Variants in TYRP1 observed in about 807,000 individuals in gnomAD.
The protein encoded by TYRP1 is 5,6-dihydroxyindole-2-carboxylic acid oxidase.
TYRP1 carries 49 observed loss-of-function variants against 42.8 expected under a neutral mutation model. That is an observed-to-expected ratio of 1.14 (90% CI 0.91 to 1.45). TYRP1 has a LOEUF of 1.45. TYRP1 is among the 40% of genes most tolerant of loss of function. The pLI is 0.00. For missense variants in TYRP1, 848 were observed against 662.0 expected (o/e 1.28, Z -3.08); for synonymous variants, 279 against 235.4 (o/e 1.19, Z -1.69).
intron 5 of TYRP1, 135 bp from the exon 6 acceptor site, chr9:12,704,391 A>G (rs1818224133): frequency 1.2e-6 from 1 of 801,520 alleles, no homozygotes. Context: ...ACAGAGAAGC[A>G]GTGCTGTTAT....
At position 12,704,616 on chromosome 9, in the gene TYRP1, C is replaced by A. The variant is rs761590226; in HGVS notation, c.1172C>A (p.Thr391Asn). The change falls in exon 6 of 8, where the codon ACC (threonine) becomes AAC (asparagine). Residue 391 changes from threonine to asparagine, a missense_variant. Coordinates refer to ENST00000388918, the MANE Select transcript of TYRP1 (RefSeq NM_000550.3). ...TTCCTGAATGGAACAGGGGGACAAA[C>A]CCATTTGTCTCCAAATGATCCTATT... is the stretch of plus-strand genomic sequence containing the variant. Reference protein sequence around the residue: ...HLFLNGTGGQTHLSPNDPIFV... With the variant: ...HLFLNGTGGQNHLSPNDPIFV... The A allele has an allele frequency of 6.2e-7, 1 of 1,612,912 alleles. No homozygotes were observed.
chr9:12,698,707 T>A, intron 4 of TYRP1, 52 bp downstream of exon 4: 3 of 1,544,162 alleles, frequency 1.9e-6, no homozygotes, highest in Non-Finnish European at 2.7e-6. Context: ...GATAAAGAGA[T>A]TAAATATGTT....
intron 4 of TYRP1, among the ~76,000 whole-genome samples, chr9:12,701,205 C>G (rs949762755): frequency 6.6e-6 from 1 of 151,962 alleles, no homozygotes; most frequent in Non-Finnish European, 1.5e-5. Context: ...ACTTTCTTAT[C>G]TTGATACTTG....
chr9:12,707,645 A>G, intron 6 of TYRP1: 1 of 216,454 alleles, frequency 4.6e-6, no homozygotes, highest in East Asian at 1.4e-4. Flanking sequence ...AGCAAATTAC[A>G]GGTTTATGTT....
chr9:12,695,417 G>T, intron 2 of TYRP1, 98 bp from the exon 3 acceptor site: 3 of 1,086,570 alleles, frequency 2.8e-6, no homozygotes, highest in Non-Finnish European at 4.2e-6. Context: ...TGAACAGATG[G>T]ATAAATGGGT....
rs768319932 is a variant in TYRP1, at chr9:12,702,255, C to T, written c.914-16C>T. 4 of 1,612,608 alleles carry T rather than the reference C, an allele frequency of 2.5e-6. No individual in the cohort carries two copies. Among genetic ancestry groups the T allele is most frequent in the Non-Finnish European group, 3.4e-6 (4 of 1,179,136 alleles). ...AACATTGTGTAAATGTTTCCACATC[C>T]CATTTTTTTCTGCAGGCACCGAGGA... On this transcript the variant is annotated splice_polypyrimidine_tract_variant and intron_variant, in intron 4 of 7. Transcript: ENST00000388918.
At position 12,709,051 on chromosome 9, in the gene TYRP1, G is replaced by A. The variant is rs542056783; in HGVS notation, c.1483G>A (p.Gly495Arg). The change falls in exon 8 of 8, where the codon GGG becomes AGG. Residue 495 changes from glycine to arginine, a missense_variant. Physicochemically the swap from Gly to Arg is moderately radical, Grantham distance 125. Transcript: ENST00000388918. ...GALLLVALIF[G>R]TASYLIRARR... Reference sequence around the variant, plus strand: ...TTTGTTACTGGTTGCACTCATTTTTGGGACTGCTTCTTATCTGATTCGTGC... The same window carrying A: ...TTTGTTACTGGTTGCACTCATTTTTAGGACTGCTTCTTATCTGATTCGTGC... 1.1e-5 allele frequency: 17 copies of A among 1,612,662 alleles called. No individual in the cohort carries two copies. In the African/African-American group the frequency reaches 1.7e-4, roughly 16 times the overall value.
At chr9:12,699,745 T>C (rs780789115) in intron 4 of TYRP1, among the ~76,000 whole-genome samples, 13 of 152,040 alleles carry the variant, frequency 8.6e-5, no homozygotes, top group Non-Finnish European at 1.9e-4. Context: ...AGAACTGAAA[T>C]TGAGGATCAG....
intron 6 of TYRP1, among the ~76,000 whole-genome samples, chr9:12,707,364 C>G (rs1298523009): frequency 1.3e-5 from 2 of 152,002 alleles, no homozygotes; most frequent in African/African-American, 4.8e-5. Context: ...AATTCACCAA[C>G]AAATTTTCTT....
At chr9:12,704,374 C>A in intron 5 of TYRP1, 152 bp from the exon 6 acceptor site, 1 of 741,218 alleles carries the variant, frequency 1.3e-6, no homozygotes, top group South Asian at 1.6e-5. Context: ...TGTCATCAAC[C>A]ATAGGTACAG....
intron 4 of TYRP1, chr9:12,700,705 G>A (rs1222282515): frequency 6.6e-6 from 1 of 152,060 alleles, no homozygotes; most frequent in Admixed American, 6.6e-5. Flanking sequence ...ATGGAACTCT[G>A]TGAGGGCAAA....
intron 4 of TYRP1, among the ~76,000 whole-genome samples, chr9:12,699,227 A>C (rs534696506): frequency 6.6e-6 from 1 of 152,170 alleles, no homozygotes; most frequent in South Asian, 2.1e-4. Flanking sequence ...GAGTACGCCT[A>C]ATCAGTTGTC....
Position 12,709,457 on chromosome 9 carries a change from G to C in TYRP1, c.*275G>C, listed in dbSNP as rs1267817537. On this transcript the variant is annotated 3_prime_UTR_variant, in exon 8 of 8. Transcript: ENST00000388918. ...TGAAGATCTTTGGCATGATTTAAAG[G>C]TTGAGTATGTGAAGATATAAGTAAG... The C allele has an allele frequency of 2.5e-6, 1 of 395,544 alleles. No individual in the cohort carries two copies. Among genetic ancestry groups the C allele is most frequent in the South Asian group, 2.4e-5 (1 of 42,156 alleles). The allele number at this position is 395,544 out of a possible 1,614,324, so 24.5% of individuals were successfully genotyped here.
chr9:12,702,021 T>A (rs1430599799), intron 4 of TYRP1, among the ~76,000 whole-genome samples: 2 of 152,054 alleles, frequency 1.3e-5, no homozygotes, highest in African/African-American at 4.8e-5. Flanking sequence ...TCAACACCTG[T>A]ATCTGTTAGT....
chr9:12,695,126 G>A (rs1216618830), intron 2 of TYRP1, among the ~76,000 whole-genome samples: 1 of 151,802 alleles, frequency 6.6e-6, no homozygotes, highest in East Asian at 1.9e-4. Flanking sequence ...CAAAGTCATA[G>A]AATAATTCTC....
At position 12,694,308 on chromosome 9, in the gene TYRP1, T is replaced by A. The variant is rs1356674583; in HGVS notation, c.312T>A (p.Asn104Lys). 6.2e-7 allele frequency: 1 copy of A among 1,613,936 alleles called. No homozygotes were observed. The highest frequency in any genetic ancestry group is 8.5e-7 in the Non-Finnish European group (1 of 1,180,022). The stretch of plus-strand genomic sequence containing the variant: ...ATAGGACATGTCACTGCAACGGCAA[T>A]TTCTCAGGACACAACTGTGGGACGT... The part of the protein sequence containing the change: ...FFNRTCHCNG[N>K]FSGHNCGTCR... Residue 104 changes from asparagine to lysine, a missense_variant, in exon 2 of 8, where the codon AAT (asparagine) becomes AAA (lysine). Transcript: ENST00000388918.
At chr9:12,704,740 C>A (rs1818231122) in intron 6 of TYRP1, 35 bp downstream of exon 6, 5 of 1,599,526 alleles carry the variant, frequency 3.1e-6, no homozygotes, top group Non-Finnish European at 4.3e-6. Flanking sequence ...GCATGCTCAG[C>A]TGGGCGGATT....
chr9:12,699,169 T>C lies in TYRP1; in HGVS notation c.913+514T>C, dbSNP rs535726086. Among the ~76,000 whole-genome samples the C allele has an allele frequency of 8.5e-4, 130 of 152,226 alleles. 4 individuals are homozygous for C. In the South Asian group the frequency reaches 0.027, roughly 31 times the overall value. ...TCAGAAAAGGAGTATATTGTACTGA[T>C]GTCTGCCCCCTAGCTGCTTTCCAGC... On this transcript the variant is annotated intron_variant, in intron 4 of 7. Coordinates refer to ENST00000388918, the MANE Select transcript of TYRP1 (RefSeq NM_000550.3).
rs1369967163 is a variant in TYRP1, at chr9:12,709,425, G to A, written c.*243G>A. ...GACACTAAACTCCATGATATTTAAGGATAGTGTGAAGATCTTTGGCATGAT... is the reference window on the plus strand; with the variant it reads ...GACACTAAACTCCATGATATTTAAGAATAGTGTGAAGATCTTTGGCATGAT... On this transcript the variant is annotated 3_prime_UTR_variant, in exon 8 of 8. Coordinates refer to ENST00000388918, the MANE Select transcript of TYRP1 (RefSeq NM_000550.3). 3 of 514,468 alleles carry A rather than the reference G, an allele frequency of 5.8e-6. No homozygotes were observed. The highest frequency in any genetic ancestry group is 1.1e-5 in the Non-Finnish European group (3 of 284,978). The allele number at this position is 514,468 out of a possible 1,614,324, so 31.9% of individuals were successfully genotyped here. A position where few individuals can be genotyped will look rare whatever the true frequency, so the allele number is the denominator to read the frequency against.
Sources: allele counts gnomAD v4.1 joint callset (sites outside exome capture counted in the v4.1 genomes callset), GRCh38; gene constraint gnomAD v4.1.1; transcripts MANE v1.5; gene names NCBI Gene and HGNC (gene_info 2026-07-23, HGNC 2026-07-21).